ATAD3B: variants seen among roughly 807,000 people sequenced by gnomAD.
The protein encoded by ATAD3B is ATPase family AAA domain containing 3B, also known as ATPase family AAA domain-containing protein 3B.
ATAD3B carries 59 observed loss-of-function variants against 70.2 expected under a neutral mutation model. The ratio of observed to expected loss-of-function variants is 0.84; its 90% CI spans 0.68 to 1.04. The LOEUF is 1.04. Among genes scored for constraint, ATAD3B ranks in the 50% least tolerant of loss-of-function variants. The pLI is 0.00. For missense variants in ATAD3B, 961 were observed against 913.4 expected (o/e 1.05, Z -0.67); for synonymous variants, 423 against 388.6 (o/e 1.09, Z -1.04).
intron 12 of ATAD3B, 45 bp downstream of exon 12, chr1:1,487,959 G>A (rs1640322394): frequency 2.5e-6 from 4 of 1,609,296 alleles, no homozygotes; most frequent in Non-Finnish European, 3.4e-6. Context: ...GGGTGGTCGG[G>A]TGGGCGCGGC....
In ATAD3B at chr1:1,482,627, A is replaced by G; in HGVS notation, c.750+13A>G. 4 of 1,613,298 alleles carry G rather than the reference A, an allele frequency of 2.5e-6. No individual in the cohort carries two copies. The highest frequency in any genetic ancestry group is 2.2e-5 in the East Asian group (1 of 44,884). On this transcript the variant is annotated intron_variant, in intron 7 of 15. Coordinates refer to ENST00000673477, the MANE Select transcript of ATAD3B (RefSeq NM_031921.6). ...AGTGACAGCCACGGTAAACATATTC[A>G]TAAAACAGGGCTGGCAGGTGGCTGA...
Position 1,486,208 on chromosome 1 carries a change from A to G in ATAD3B, c.1062A>G (p.Pro354=). ...LYRHILLYGP[P]GTGKTLFAKK... is the part of the protein sequence containing the mutation. ...GGCACATCCTGCTGTATGGGCCACCAGGCACCGGGAAGACGCTGTTTGCCA... is the reference window on the plus strand; with the variant it reads ...GGCACATCCTGCTGTATGGGCCACCGGGCACCGGGAAGACGCTGTTTGCCA... Residue 354 remains proline, a synonymous_variant, in exon 10 of 16, where the codon CCA becomes CCG. Coordinates refer to ENST00000673477, the MANE Select transcript of ATAD3B (RefSeq NM_031921.6). 1 of 1,613,074 alleles carries G rather than the reference A, an allele frequency of 6.2e-7. No homozygotes were observed. Among genetic ancestry groups the G allele is most frequent in the Non-Finnish European group, 8.5e-7 (1 of 1,179,650 alleles).
chr1:1,498,681 T>G (rs1189566820), downstream of ATAD3B, among the ~76,000 whole-genome samples: 4 of 151,440 alleles, frequency 2.6e-5, no homozygotes, highest in African/African-American at 9.7e-5. Context: ...GTGTTGGGGT[T>G]ACAGGCCTGA....
intron 13 of ATAD3B, 82 bp downstream of exon 13, chr1:1,489,356 C>T (rs1640405184): frequency 1.2e-6 from 2 of 1,601,078 alleles, no homozygotes; most frequent in Admixed American, 3.4e-5. Context: ...GTCCCTGGCT[C>T]ACAGTGCTGG....
At chr1:1,499,891 G>A (rs202047017), downstream of ATAD3B, among the ~76,000 whole-genome samples, 3 of 147,530 alleles carry the variant, frequency 2.0e-5, no homozygotes, top group Non-Finnish European at 3.0e-5. Flanking sequence ...ACCGTGCCCA[G>A]CCTTTTTTTT....
chr1:1,484,136 A>G (rs1401898094), intron 7 of ATAD3B: 1 of 152,046 alleles, frequency 6.6e-6, no homozygotes, highest in Non-Finnish European at 1.5e-5. Context: ...TATTCCGAAT[A>G]ACGAAAGTTT....
Position 1,482,635 on chromosome 1 carries a change from G to C in ATAD3B, c.750+21G>C, listed in dbSNP as rs372367225. 1,141 of 1,613,276 alleles carry C rather than the reference G, an allele frequency of 7.1e-4. 20 individuals carry two copies. Among genetic ancestry groups the C allele is most frequent in the Admixed American group, 2.8e-3 (167 of 59,968 alleles). Reference sequence around the variant, plus strand: ...CCACGGTAAACATATTCATAAAACAGGGCTGGCAGGTGGCTGAGAGGCAGC... The same window carrying C: ...CCACGGTAAACATATTCATAAAACACGGCTGGCAGGTGGCTGAGAGGCAGC... On this transcript the variant is annotated intron_variant, in intron 7 of 15. Transcript: ENST00000673477.
chr1:1,489,108 C>T, intron 12 of ATAD3B, 96 bp from the exon 13 acceptor site: 1 of 1,592,198 alleles, frequency 6.3e-7, no homozygotes, highest in African/African-American at 1.3e-5. Context: ...CGCCACGTCC[C>T]TGCTCCCTGC....
intron 5 of ATAD3B, 139 bp downstream of exon 5, chr1:1,481,075 G>T: frequency 1.4e-6 from 2 of 1,470,020 alleles, no homozygotes; most frequent in Non-Finnish European, 1.8e-6. Flanking sequence ...GGGCTCTGCG[G>T]GGTGGGGCTC....
intron 12 of ATAD3B, among the ~76,000 whole-genome samples, chr1:1,488,541 A>G (rs1020795693): frequency 2.0e-5 from 3 of 152,026 alleles, no homozygotes; most frequent in Non-Finnish European, 4.4e-5. Flanking sequence ...CAGGTGGATG[A>G]CGAGGTCAGG....
In ATAD3B at chr1:1,471,901, G is replaced by A. The variant is rs375832282; in HGVS notation, c.17G>A (p.Gly6Asp). The change falls in exon 1 of 16, where the codon GGC (glycine) becomes GAC (aspartate). Residue 6 changes from glycine (G) to aspartate (D), a missense_variant. By Grantham distance (94) the Gly-to-Asp change is moderately conservative. Coordinates refer to ENST00000673477, the MANE Select transcript of ATAD3B (RefSeq NM_031921.6). ...GGTGCGAGCATGTCGTGGCTCTTCGGCGTTAACAAGGGCCCCAAGGGTGAA... is the reference window on the plus strand; with the variant it reads ...GGTGCGAGCATGTCGTGGCTCTTCGACGTTAACAAGGGCCCCAAGGGTGAA... MSWLF[G>D]VNKGPKGEGA... 125 of 1,274,232 alleles carry A rather than the reference G, an allele frequency of 9.8e-5. 1 individual carries two copies. The African/African-American group carries it at 1.7e-3, about 17-fold the overall frequency. The allele number at this position is 1,274,232 out of a possible 1,614,324, so 78.9% of individuals were successfully genotyped here. A position where few individuals can be genotyped will look rare whatever the true frequency, so the allele number is the denominator to read the frequency against.
At chr1:1,493,449 C>G (rs1309426974) in intron 15 of ATAD3B, among the ~76,000 whole-genome samples, 1 of 151,590 alleles carries the variant, frequency 6.6e-6, no homozygotes, top group Non-Finnish European at 1.5e-5. Context: ...CTTTTCTTTT[C>G]TTTTGGTGGG....
At position 1,471,785 on chromosome 1, in the gene ATAD3B, C is replaced by T. The variant is rs140699979; in HGVS notation, c.-100C>T. 0.011 allele frequency: 13,766 copies of T among 1,220,144 alleles called. 247 individuals are homozygous for T. The highest frequency in any genetic ancestry group is 0.044 in the Admixed American group (1,031 of 23,608). 75.6% of individuals were successfully genotyped at this position (1,220,144 alleles called of 1,614,324 possible). ...TGTGTGTTTCGCCTGCGCAGTGGTC[C>T]TGGCCACCGGCTCGCGGCGCGTGGA... On this transcript the variant is annotated 5_prime_UTR_variant, in exon 1 of 16. Transcript: ENST00000673477.
At chr1:1,474,780 C>T (rs544008911) in intron 1 of ATAD3B, among the ~76,000 whole-genome samples, 60 of 152,124 alleles carry the variant, frequency 3.9e-4, no homozygotes, top group Non-Finnish European at 7.6e-4. Flanking sequence ...GGATGACAGG[C>T]GTGAGCCGCT....
rs750161759 is a variant in ATAD3B, at chr1:1,485,038, C to T, written c.773C>T (p.Ala258Val). ...CAGGTGGCTGGGCTGACGCTGCTGG[C>T]TGTCGGGGTCTACTCAGCCAAGAAT... The part of the protein sequence containing the change: ...TATVAGLTLL[A>V]VGVYSAKNAT... Residue 258 changes from alanine to valine, a missense_variant, in exon 8 of 16, where the codon GCT becomes GTT. Ala to Val is a moderately conservative substitution (Grantham distance 64, BLOSUM62 0). Around this residue, in one of 4 missense-constraint regions of ATAD3B, gnomAD observed 349 missense variants for 307.5 expected, o/e 1.14. Transcript: ENST00000673477. 1.2e-6 allele frequency: 2 copies of T among 1,603,386 alleles called. No individual in the cohort carries two copies. Among genetic ancestry groups the T allele is most frequent in the East Asian group, 2.2e-5 (1 of 44,494 alleles).
chr1:1,478,862 C>G, intron 3 of ATAD3B, 117 bp downstream of exon 3: 1 of 874,542 alleles, frequency 1.1e-6, no homozygotes, highest in Non-Finnish European at 1.7e-6. Context: ...GAGCTGCCCT[C>G]GGAACGGCCT....
At chr1:1,476,266 T>C (rs1151487) in intron 1 of ATAD3B, among the ~76,000 whole-genome samples, 42,017 of 142,386 alleles carry the variant, frequency 0.3, 11,840 homozygotes, top group African/African-American at 0.73. Flanking sequence ...AACACCAAAG[T>C]GTCGCTGCCT....
At chr1:1,474,277 G>T (rs1153097) in intron 1 of ATAD3B, among the ~76,000 whole-genome samples, 1 of 150,042 alleles carries the variant, frequency 6.7e-6, no homozygotes, top group Non-Finnish European at 1.5e-5. Flanking sequence ...TGCAAGCTCC[G>T]CCTCCTGGGT....
intron 15 of ATAD3B, among the ~76,000 whole-genome samples, chr1:1,493,487 G>C (rs1005422533): frequency 6.6e-6 from 1 of 151,676 alleles, no homozygotes; most frequent in Non-Finnish European, 1.5e-5. Flanking sequence ...TGCCGCCCAG[G>C]CTGGAGTGCA....
Sources: allele counts gnomAD v4.1 joint callset (sites outside exome capture counted in the v4.1 genomes callset), GRCh38; gene constraint gnomAD v4.1.1; regional missense constraint gnomAD v4.1.1; transcripts MANE v1.5; gene names NCBI Gene and HGNC (gene_info 2026-07-23, HGNC 2026-07-21).